ZMIZ1: variants seen among roughly 807,000 people sequenced by gnomAD.
ZMIZ1 encodes zinc finger MIZ-type containing 1, also known as zinc finger MIZ domain-containing protein 1.
A neutral mutation model predicts 113.9 loss-of-function variants in ZMIZ1; 17 were observed. That is an observed-to-expected ratio of 0.15 (90% CI 0.10 to 0.22). The LOEUF (loss-of-function observed/expected upper bound fraction) is 0.22. Ranked by LOEUF, ZMIZ1 falls within the 10% of genes least tolerant of loss-of-function variation. The pLI, the probability that ZMIZ1 is intolerant of heterozygous loss-of-function variation, is 1.00. For synonymous variants in ZMIZ1, 607 were observed against 603.1 expected, an observed-to-expected ratio of 1.01 and a Z score of -0.09; for missense variants, 1,059 against 1,477.8, an observed-to-expected ratio of 0.72 and a Z score of 4.65.
Position 79,271,974 on chromosome 10 carries a change from G to A in ZMIZ1, c.281-5207G>A, listed in dbSNP as rs79519315. Among the ~76,000 whole-genome samples, 909 of 152,248 alleles carry A rather than the reference G, an allele frequency of 6.0e-3. 7 individuals carry two copies. The highest frequency in any genetic ancestry group is 0.021 in the African/African-American group (866 of 41,532). The stretch of plus-strand genomic sequence containing the variant: ...CACTTTGTAGGTGTTAGTGTCATTC[G>A]ATAGCACAGTAAGGCTGGGCTCAGT... On this transcript the variant is annotated intron_variant, in intron 7 of 24. Coordinates refer to ENST00000334512, the MANE Select transcript of ZMIZ1 (RefSeq NM_020338.4).
intron 6 of ZMIZ1, among the ~76,000 whole-genome samples, chr10:79,215,755 G>T (rs1488333347): frequency 2.6e-5 from 4 of 152,106 alleles, no homozygotes; most frequent in Admixed American, 1.3e-4. Context: ...CTCAGTGAGG[G>T]GTGGGGGAGT....
rs191362494 is a variant in ZMIZ1 at position 79,246,475 on chromosome 10, G to A, written c.280+30201G>A. Among the ~76,000 whole-genome samples the A allele has an allele frequency of 2.6e-5, 4 of 152,344 alleles. No individual in the cohort carries two copies. In the East Asian group the frequency reaches 7.7e-4, roughly 29 times the overall value. ...GCGATGCGGCATGGGTCCCTCGGGA[G>A]AGGCTGGCTCCTCCATGGGGAAGGA... On this transcript the variant is annotated intron_variant, in intron 7 of 24. Coordinates refer to ENST00000334512, the MANE Select transcript of ZMIZ1 (RefSeq NM_020338.4).
intron 5 of ZMIZ1, among the ~76,000 whole-genome samples, chr10:79,205,368 A>T (rs1369516667): frequency 6.6e-6 from 1 of 152,206 alleles, no homozygotes; most frequent in Non-Finnish European, 1.5e-5. Flanking sequence ...TGGCCTACAC[A>T]GCAGGCTCAC....
intron 1 of ZMIZ1, among the ~76,000 whole-genome samples, chr10:79,100,557 G>A (rs1843328850): frequency 6.6e-6 from 1 of 152,192 alleles, no homozygotes; most frequent in African/African-American, 2.4e-5. Flanking sequence ...GCCGAATGGA[G>A]TTTATCCTTG....
At chr10:79,152,430 G>T (rs1845748845) in intron 3 of ZMIZ1, among the ~76,000 whole-genome samples, 1 of 152,308 alleles carries the variant, frequency 6.6e-6, no homozygotes. Context: ...AGCCCAGGAG[G>T]TCGAAGCTAC....
At chr10:79,155,125 T>G (rs1410990715) in intron 3 of ZMIZ1, among the ~76,000 whole-genome samples, 4 of 152,142 alleles carry the variant, frequency 2.6e-5, no homozygotes, top group Non-Finnish European at 5.9e-5. Context: ...GGAACCTAGA[T>G]GCATTGGAAC....
At chr10:79,306,673 A>G (rs970238181) in intron 22 of ZMIZ1, among the ~76,000 whole-genome samples, 2 of 152,272 alleles carry the variant, frequency 1.3e-5, no homozygotes, top group East Asian at 3.9e-4. Context: ...TCCTAGGGAC[A>G]GAGTCCAGGT....
In ZMIZ1 at chr10:79,153,047, G is replaced by A. The variant is rs560517732; in HGVS notation, c.-130-9006G>A. ...GGGTGACTCCCCTGAGAATCTCACC[G>A]TGTCGCTGGACTGAGGGAACCCCTC... On this transcript the variant is annotated intron_variant, in intron 3 of 24. Coordinates refer to ENST00000334512, the MANE Select transcript of ZMIZ1 (RefSeq NM_020338.4). Among the ~76,000 whole-genome samples, 7 of 152,354 alleles carry A rather than the reference G, an allele frequency of 4.6e-5. No individual in the cohort carries two copies. In the East Asian group the frequency reaches 5.8e-4, roughly 13 times the overall value.
intron 1 of ZMIZ1, among the ~76,000 whole-genome samples, chr10:79,093,860 G>C (rs1271469592): frequency 6.6e-6 from 1 of 152,158 alleles, no homozygotes; most frequent in Non-Finnish European, 1.5e-5. Context: ...TAGGAGGTGT[G>C]GGTGCAGAGG....
At chr10:79,095,336 T>C (rs1843133775) in intron 1 of ZMIZ1, among the ~76,000 whole-genome samples, 1 of 152,202 alleles carries the variant, frequency 6.6e-6, no homozygotes, top group Admixed American at 6.5e-5. Context: ...TCAAGTCAAA[T>C]ATTTTCCTGA....
intron 7 of ZMIZ1, among the ~76,000 whole-genome samples, chr10:79,223,015 G>T (rs541443624): frequency 6.6e-6 from 1 of 152,178 alleles, no homozygotes; most frequent in Non-Finnish European, 1.5e-5. Flanking sequence ...CCCCGTGGTG[G>T]TGGGGACATT....
chr10:79,125,948 G>T (rs1317524013), intron 2 of ZMIZ1, among the ~76,000 whole-genome samples: 1 of 152,218 alleles, frequency 6.6e-6, no homozygotes, highest in Non-Finnish European at 1.5e-5. Context: ...GGGACCAGCA[G>T]CAGCGATAGG....
intron 8 of ZMIZ1, among the ~76,000 whole-genome samples, chr10:79,289,460 A>G (rs879452126): frequency 2.6e-5 from 4 of 152,154 alleles, no homozygotes; most frequent in African/African-American, 9.7e-5. Flanking sequence ...AGGAGCTCAG[A>G]TTGGGCCTCA....
chr10:79,166,016 G>GCTCA (rs1846330615), intron 4 of ZMIZ1, among the ~76,000 whole-genome samples: 1 of 141,106 alleles, frequency 7.1e-6, no homozygotes, highest in Non-Finnish European at 1.6e-5. Flanking sequence ...TCTCCCTGCA[G>GCTCA]GGTGGGGCAG....
At chr10:79,225,000 C>T (rs1193684342) in intron 7 of ZMIZ1, among the ~76,000 whole-genome samples, 3 of 152,236 alleles carry the variant, frequency 2.0e-5, no homozygotes, top group Middle Eastern at 3.4e-3. Context: ...ACCTGAGAGG[C>T]GAGGAGGAGG....
intron 7 of ZMIZ1, among the ~76,000 whole-genome samples, chr10:79,220,917 A>T (rs540496582): frequency 6.6e-6 from 1 of 152,122 alleles, no homozygotes; most frequent in South Asian, 2.1e-4. Flanking sequence ...GTACATGTAC[A>T]TGGCTGTGTC....
At chr10:79,231,706 G>A (rs1256568929) in intron 7 of ZMIZ1, among the ~76,000 whole-genome samples, 1 of 152,034 alleles carries the variant, frequency 6.6e-6, no homozygotes, top group Admixed American at 6.6e-5. Context: ...CGCCTCCCAA[G>A]TAGCTGGAAT....
intron 7 of ZMIZ1, among the ~76,000 whole-genome samples, chr10:79,276,340 C>G (rs1176912813): frequency 6.6e-6 from 1 of 152,192 alleles, no homozygotes; most frequent in Non-Finnish European, 1.5e-5. Context: ...GACACGCTGG[C>G]CTGGGAGGCG....
Position 79,306,334 on chromosome 10 carries a change from C to T in ZMIZ1, c.2658C>T (p.Tyr886=), listed in dbSNP as rs372142320. ...CAGGGGGCACCAACTCCAACGACTACAGCAGCCAAGGTGGGTGATGCCAGG... is the reference window on the plus strand; with the variant it reads ...CAGGGGGCACCAACTCCAACGACTATAGCAGCCAAGGTGGGTGATGCCAGG... The part of the protein sequence containing the change: ...PPPGGTNSND[Y]SSQGNNYQGH... Residue 886 remains tyrosine, a synonymous_variant, in exon 22 of 25, where the codon TAC becomes TAT. Transcript: ENST00000334512. 5 of 1,609,820 alleles carry T rather than the reference C, an allele frequency of 3.1e-6. No individual in the cohort carries two copies. Among genetic ancestry groups the T allele is most frequent in the Admixed American group, 1.7e-5 (1 of 60,006 alleles).
Sources: gnomAD v4.1 joint callset for allele counts (sites outside exome capture counted in the v4.1 genomes callset) on GRCh38, gnomAD v4.1.1 for gene constraint, MANE v1.5 for transcripts, NCBI Gene and HGNC (gene_info 2026-07-23, HGNC 2026-07-21) for gene names.